CHRM5: variants seen among roughly 807,000 people sequenced by gnomAD.
CHRM5 encodes the protein cholinergic receptor muscarinic 5, also known as muscarinic acetylcholine receptor M5.
In CHRM5, 18 loss-of-function variants were observed where a neutral mutation model predicts 39.0. The ratio of observed to expected loss-of-function variants is 0.46; its 90% CI spans 0.32 to 0.68. CHRM5 has a LOEUF of 0.68. Ranked by LOEUF, CHRM5 falls within the 30% of genes least tolerant of loss-of-function variation. CHRM5 has a pLI of 0.04. For missense variants in CHRM5, 515 were observed against 651.1 expected, an observed-to-expected ratio of 0.79 and a Z score of 2.28; for synonymous variants, 241 against 246.3, an observed-to-expected ratio of 0.98 and a Z score of 0.20.
chr15:34,063,514 G>A lies in CHRM5; in HGVS notation c.797G>A (p.Arg266Lys), dbSNP rs762383940. The stretch of plus-strand genomic sequence containing the variant: ...CGACCCACCCTGGCCCAGCGGGAAA[G>A]GAACCAGGCCTCCTGGTCATCCTCC... ...CPRPTLAQRE[R>K]NQASWSSSRR... Residue 266 changes from arginine (R) to lysine (K), a missense_variant, in exon 3 of 3, where the codon AGG (arginine) becomes AAG (lysine). Arg to Lys is a conservative substitution (Grantham distance 26). Transcript: ENST00000383263. The surrounding 1 kb of genome is among the most constrained non-coding windows in gnomAD (Gnocchi z 4.1). 6.2e-7 allele frequency: 1 copy of A among 1,613,650 alleles called. No homozygotes were observed. Among genetic ancestry groups the A allele is most frequent in the Non-Finnish European group, 8.5e-7 (1 of 1,180,040 alleles).
intron 1 of CHRM5, among the ~76,000 whole-genome samples, chr15:33,985,706 T>C (rs489832): frequency 0.48 from 72,201 of 151,930 alleles, 20,721 homozygotes; most frequent in Non-Finnish European, 0.64. Context: ...TTCCTTAGTG[T>C]TTGGTAAGTA....
chr15:34,056,278 C>A (rs568749316), intron 2 of CHRM5, among the ~76,000 whole-genome samples: 20 of 152,292 alleles, frequency 1.3e-4, no homozygotes, highest in African/African-American at 4.6e-4. Flanking sequence ...AACTGGGGCC[C>A]AGAGAGAATA....
intron 1 of CHRM5, among the ~76,000 whole-genome samples, chr15:34,041,009 T>C (rs1413945669): frequency 1.3e-5 from 2 of 152,134 alleles, no homozygotes; most frequent in Non-Finnish European, 2.9e-5. Flanking sequence ...AGCATATCAC[T>C]GGTCTGGCCT....
At chr15:34,057,231 G>A (rs1171258396) in intron 2 of CHRM5, among the ~76,000 whole-genome samples, 1 of 151,356 alleles carries the variant, frequency 6.6e-6, no homozygotes, top group African/African-American at 2.4e-5. Flanking sequence ...CGGCTTCCCA[G>A]GTTCAAGCGA....
chr15:33,992,411 T>G (rs1896767921), intron 1 of CHRM5, among the ~76,000 whole-genome samples: 1 of 150,876 alleles, frequency 6.6e-6, no homozygotes, highest in African/African-American at 2.4e-5. Context: ...AAAAAGAAAA[T>G]CAAATTAGGC....
chr15:34,062,020 T>C (rs1415131275), intron 2 of CHRM5, among the ~76,000 whole-genome samples: 1 of 152,200 alleles, frequency 6.6e-6, no homozygotes, highest in Non-Finnish European at 1.5e-5. Context: ...ACATCCCTGC[T>C]TTCCTCTCTT....
At chr15:34,061,570 A>G (rs1444751105) in intron 2 of CHRM5, among the ~76,000 whole-genome samples, 2 of 152,172 alleles carry the variant, frequency 1.3e-5, no homozygotes, top group African/African-American at 4.8e-5. Flanking sequence ...TATACACTAA[A>G]CTGTTAGCAT....
rs1183070578 is a variant in CHRM5 at position 34,063,071 on chromosome 15, C to A, written c.354C>A (p.Val118=). 6.2e-7 allele frequency: 1 copy of A among 1,614,210 alleles called. No homozygotes were observed. Residue 118 remains valine, a synonymous_variant, in exon 3 of 3, where the codon GTC becomes GTA. Coordinates refer to ENST00000383263, the MANE Select transcript of CHRM5 (RefSeq NM_012125.4). This position sits in a 1 kb window ranked among gnomAD's most constrained non-coding sequence, Gnocchi z 4.1. The part of the protein sequence containing the change: ...ALDYVASNAS[V]MNLLVISFDR... The stretch of plus-strand genomic sequence containing the variant: ...ACTACGTGGCCAGCAACGCTTCTGT[C>A]ATGAACCTTCTGGTGATCAGTTTTG...
intron 1 of CHRM5, among the ~76,000 whole-genome samples, chr15:33,999,426 G>A (rs1161630111): frequency 6.6e-6 from 1 of 152,176 alleles, no homozygotes; most frequent in African/African-American, 2.4e-5. Context: ...TATATTGAGT[G>A]TGCCAGCCAT....
At chr15:33,993,030 T>G (rs1248595098) in intron 1 of CHRM5, among the ~76,000 whole-genome samples, 1 of 152,262 alleles carries the variant, frequency 6.6e-6, no homozygotes, top group Non-Finnish European at 1.5e-5. Flanking sequence ...CCCCACGTTT[T>G]CTTCAATATT....
In CHRM5 at chr15:34,046,783, C is replaced by T. The variant is rs1251584887; in HGVS notation, c.-164C>T. On this transcript the variant is annotated 5_prime_UTR_variant, in exon 2 of 3. Transcript: ENST00000383263. Reference sequence around the variant, plus strand: ...CTAATTGGGCAAACAACTTGACCCACAGAAAACAAAGAAAAGCAGGGTGGG... The same window carrying T: ...CTAATTGGGCAAACAACTTGACCCATAGAAAACAAAGAAAAGCAGGGTGGG... The T allele has an allele frequency of 6.6e-6, 1 of 152,432 alleles. No individual in the cohort carries two copies. The highest frequency in any genetic ancestry group is 2.4e-5 in the African/African-American group (1 of 41,460). 9.4% of individuals were successfully genotyped at this position (152,432 alleles called of 1,614,324 possible). A position where few individuals can be genotyped will look rare whatever the true frequency, so the allele number is the denominator to read the frequency against.
chr15:33,996,082 G>C (rs1297927692), intron 1 of CHRM5, among the ~76,000 whole-genome samples: 2 of 152,350 alleles, frequency 1.3e-5, no homozygotes, highest in Admixed American at 1.3e-4. Context: ...CACTGCTAGC[G>C]CAGCAGTCTG....
intron 1 of CHRM5, among the ~76,000 whole-genome samples, chr15:33,988,230 C>A (rs913729613): frequency 1.3e-5 from 2 of 152,174 alleles, no homozygotes; most frequent in African/African-American, 4.8e-5. Context: ...CAGTGATATA[C>A]AATAAACATA....
chr15:34,030,582 C>G lies in CHRM5; in HGVS notation c.-407-15958C>G, dbSNP rs185788783. ...TGACCTTGTGATCCACCCGCCTCAGCCTCCCAAAATGCTGGGATTACAGGT... is the reference window on the plus strand; with the variant it reads ...TGACCTTGTGATCCACCCGCCTCAGGCTCCCAAAATGCTGGGATTACAGGT... On this transcript the variant is annotated intron_variant, in intron 1 of 2. Coordinates refer to ENST00000383263, the MANE Select transcript of CHRM5 (RefSeq NM_012125.4). Among the ~76,000 whole-genome samples, 119 of 152,146 alleles carry G rather than the reference C, an allele frequency of 7.8e-4. 1 individual carries two copies. Among genetic ancestry groups the G allele is most frequent in the African/African-American group, 2.6e-3 (108 of 41,508 alleles).
At chr15:34,054,953 G>A (rs1287802482) in intron 2 of CHRM5, among the ~76,000 whole-genome samples, 2 of 152,146 alleles carry the variant, frequency 1.3e-5, no homozygotes, top group African/African-American at 2.4e-5. Flanking sequence ...AGCACTTTGG[G>A]AGGCCAAGGC....
intron 1 of CHRM5, among the ~76,000 whole-genome samples, chr15:33,979,119 A>G (rs921076900): frequency 6.6e-6 from 1 of 152,164 alleles, no homozygotes; most frequent in African/African-American, 2.4e-5. Context: ...CTGCATATCA[A>G]TTTGATTATA....
chr15:34,058,953 G>A (rs949277781), intron 2 of CHRM5, among the ~76,000 whole-genome samples: 1 of 152,134 alleles, frequency 6.6e-6, no homozygotes, highest in Non-Finnish European at 1.5e-5. Flanking sequence ...CTGGAATGCA[G>A]TGGCAAGATC....
chr15:34,046,155 A>G (rs1177718784), intron 1 of CHRM5, among the ~76,000 whole-genome samples: 5 of 152,178 alleles, frequency 3.3e-5, no homozygotes, highest in Non-Finnish European at 2.9e-5. Flanking sequence ...AACATAATCA[A>G]TGATTTAAGA....
intron 1 of CHRM5, among the ~76,000 whole-genome samples, chr15:34,032,081 A>G (rs892763865): frequency 6.6e-6 from 1 of 152,078 alleles, no homozygotes; most frequent in Non-Finnish European, 1.5e-5. Flanking sequence ...AAGAGAACTA[A>G]TCCAGTGCCG....
Sources: allele counts gnomAD v4.1 joint callset (sites outside exome capture counted in the v4.1 genomes callset), GRCh38; gene constraint gnomAD v4.1.1; non-coding constraint Gnocchi (gnomAD v3.1); transcripts MANE v1.5; gene names NCBI Gene and HGNC (gene_info 2026-07-23, HGNC 2026-07-21).